ADGRV1: variants seen among roughly 807,000 people sequenced by gnomAD.
ADGRV1 encodes adhesion G protein-coupled receptor V1.
Under a neutral mutation model 596.2 loss-of-function variants are expected in ADGRV1, and 359 were observed. The observed-to-expected ratio is 0.60, with a 90% CI of 0.55 to 0.66. The LOEUF (loss-of-function observed/expected upper bound fraction) is 0.66, where lower values mean the gene tolerates loss of function less well. Ranked by LOEUF, ADGRV1 falls within the 30% of genes least tolerant of loss-of-function variation. The pLI, the probability that ADGRV1 is intolerant of heterozygous loss-of-function variation, is 0.00. For synonymous variants in ADGRV1, 2,681 were observed against 2,679.2 expected (o/e 1.00, Z -0.02); for missense variants, 7,274 against 7,575.6 (o/e 0.96, Z 1.48).
rs2149433043 is a variant in ADGRV1, at chr5:90,643,797, C to T, written c.2554-6C>T. The T allele has an allele frequency of 6.3e-7, 1 of 1,587,274 alleles. No homozygotes were observed. Among genetic ancestry groups the T allele is most frequent in the Non-Finnish European group, 8.6e-7 (1 of 1,166,754 alleles). On this transcript the variant is annotated splice_polypyrimidine_tract_variant and splice_region_variant and intron_variant, in intron 13 of 89. Coordinates refer to ENST00000405460, the MANE Select transcript of ADGRV1 (RefSeq NM_032119.4). Reference sequence around the variant, plus strand: ...TAATTTCCATACTTTGACACATTCACTTTAGTTGGATGAACACTACTGGGT... The same window carrying T: ...TAATTTCCATACTTTGACACATTCATTTTAGTTGGATGAACACTACTGGGT...
At chr5:90,811,717 G>A (rs1232973262) in intron 74 of ADGRV1, among the ~76,000 whole-genome samples, 1 of 150,570 alleles carries the variant, frequency 6.6e-6, no homozygotes, top group Non-Finnish European at 1.5e-5. Context: ...GATCTCATTG[G>A]CAGGAAATTC....
rs537805854 is a variant in ADGRV1 at position 90,893,920 on chromosome 5, A to T, written c.17856+30063A>T. Among the ~76,000 whole-genome samples the T allele has an allele frequency of 1.4e-4, 21 of 152,328 alleles. No homozygotes were observed. The South Asian group carries it at 3.9e-3, about 29-fold the overall frequency. On this transcript the variant is annotated intron_variant, in intron 83 of 89. Coordinates refer to ENST00000405460, the MANE Select transcript of ADGRV1 (RefSeq NM_032119.4). ...ATATTTTAGGTGTAAATGTATCTTA[A>T]CAATTAATGTTGCTTTAAAAACTGG...
chr5:90,906,300 T>A (rs1311693966), intron 83 of ADGRV1, among the ~76,000 whole-genome samples: 1 of 152,066 alleles, frequency 6.6e-6, no homozygotes, highest in Non-Finnish European at 1.5e-5. Context: ...TTGGGTAGGA[T>A]TGGTATTAGT....
intron 40 of ADGRV1, 39 bp from the exon 41 acceptor site, chr5:90,711,145 A>T (rs1561573346): frequency 1.3e-6 from 2 of 1,583,214 alleles, no homozygotes; most frequent in South Asian, 1.2e-5. Flanking sequence ...GGAAAAATTA[A>T]TTTTTTTTGT....
intron 87 of ADGRV1, among the ~76,000 whole-genome samples, chr5:91,102,977 T>C (rs138746108): frequency 6.8e-4 from 104 of 152,362 alleles, no homozygotes; most frequent in African/African-American, 2.5e-3. Flanking sequence ...TTTTCCTTGT[T>C]TTCCAAAGTG....
chr5:90,644,830 A>G lies in ADGRV1; in HGVS notation c.2859A>G (p.Glu953=), dbSNP rs1767502031. The change falls in exon 15 of 90, where the codon GAA becomes GAG. Residue 953 remains glutamate, a synonymous_variant. Coordinates refer to ENST00000405460, the MANE Select transcript of ADGRV1 (RefSeq NM_032119.4). ...GGACTGTTGTCTTTGGAGATCAGGA[A>G]TTTTCAAAAAATATCACCATTTACT... The part of the protein sequence containing the change: ...VQGTVVFGDQ[E]FSKNITIYSL... 1 of 1,608,326 alleles carries G rather than the reference A, an allele frequency of 6.2e-7. No homozygotes were observed. The highest frequency in any genetic ancestry group is 8.5e-7 in the Non-Finnish European group (1 of 1,178,022).
chr5:90,867,158 G>A (rs1045309341), intron 83 of ADGRV1, among the ~76,000 whole-genome samples: 2 of 152,018 alleles, frequency 1.3e-5, no homozygotes, highest in Non-Finnish European at 2.9e-5. Flanking sequence ...GGTTCTGTCA[G>A]GAAAAGCAAT....
At chr5:90,858,359 A>G (rs1476506452) in intron 82 of ADGRV1, among the ~76,000 whole-genome samples, 1 of 152,230 alleles carries the variant, frequency 6.6e-6, no homozygotes, top group Non-Finnish European at 1.5e-5. Context: ...GAGGATGTCA[A>G]GGAAGCCTAC....
chr5:90,927,462 C>A (rs969830985), intron 83 of ADGRV1, among the ~76,000 whole-genome samples: 3 of 152,114 alleles, frequency 2.0e-5, no homozygotes, highest in African/African-American at 7.2e-5. Context: ...GCAACCCCTG[C>A]CTTTTTTTGT....
intron 84 of ADGRV1, among the ~76,000 whole-genome samples, chr5:90,984,684 C>T (rs1366001776): frequency 6.6e-6 from 1 of 152,172 alleles, no homozygotes; most frequent in Non-Finnish European, 1.5e-5. Context: ...TCCCCAGCAC[C>T]TACACTGGTC....
chr5:90,673,542 C>T (rs1360124203), intron 22 of ADGRV1, among the ~76,000 whole-genome samples: 1 of 152,044 alleles, frequency 6.6e-6, no homozygotes, highest in African/African-American at 2.4e-5. Flanking sequence ...AGTTATTGCT[C>T]GCAGTTTTGG....
intron 85 of ADGRV1, among the ~76,000 whole-genome samples, chr5:91,005,935 A>G (rs984852571): frequency 3.9e-5 from 6 of 152,042 alleles, no homozygotes; most frequent in Non-Finnish European, 7.4e-5. Context: ...ATCCCTGGGG[A>G]AAAAAAATCC....
chr5:90,595,893 C>A (rs1162956260), intron 1 of ADGRV1, among the ~76,000 whole-genome samples: 13 of 149,860 alleles, frequency 8.7e-5, no homozygotes, highest in African/African-American at 1.7e-4. Flanking sequence ...GGGGCTGACC[C>A]CCCCCACCTC....
chr5:90,825,306 C>T (rs1341004356), intron 76 of ADGRV1, among the ~76,000 whole-genome samples: 1 of 152,142 alleles, frequency 6.6e-6, no homozygotes, highest in Non-Finnish European at 1.5e-5. Flanking sequence ...CCCATGAAAC[C>T]TCTAGTTGGA....
At chr5:90,607,216 C>T (rs1031834568) in intron 1 of ADGRV1, among the ~76,000 whole-genome samples, 4 of 152,104 alleles carry the variant, frequency 2.6e-5, no homozygotes, top group Non-Finnish European at 5.9e-5. Context: ...TAGCAGTAAG[C>T]TAGGAGGCTG....
intron 5 of ADGRV1, among the ~76,000 whole-genome samples, chr5:90,623,500 C>T (rs1349556478): frequency 2.0e-5 from 3 of 152,162 alleles, no homozygotes; most frequent in South Asian, 2.1e-4. Context: ...CAGCCTCAAC[C>T]TCCTGGGCTC....
intron 83 of ADGRV1, among the ~76,000 whole-genome samples, chr5:90,928,706 C>T (rs897634103): frequency 4.6e-5 from 7 of 150,762 alleles, no homozygotes; most frequent in Non-Finnish European, 8.9e-5. Context: ...AGGAGAGGCG[C>T]TCTGCTTTTT....
chr5:90,836,580 G>A (rs1228832159), intron 77 of ADGRV1, among the ~76,000 whole-genome samples: 2 of 152,164 alleles, frequency 1.3e-5, no homozygotes, highest in Non-Finnish European at 2.9e-5. Flanking sequence ...GAGGGAATGG[G>A]CTGGGGTGAC....
chr5:90,863,702 C>A, intron 82 of ADGRV1, 55 bp from the exon 83 acceptor site: 2 of 1,266,202 alleles, frequency 1.6e-6, no homozygotes, highest in Non-Finnish European at 2.3e-6. Flanking sequence ...TGCTATGATG[C>A]TGTTAGAATC....
Sources: gnomAD v4.1 joint callset for allele counts (sites outside exome capture counted in the v4.1 genomes callset) on GRCh38, gnomAD v4.1.1 for gene constraint, MANE v1.5 for transcripts, NCBI Gene and HGNC (gene_info 2026-07-23, HGNC 2026-07-21) for gene names.